SGCZ: variants seen among roughly 807,000 people sequenced by gnomAD.
SGCZ encodes the protein sarcoglycan zeta.
A neutral mutation model predicts 41.3 loss-of-function variants in SGCZ; 40 were observed. That is an observed-to-expected ratio of 0.97 (90% CI 0.75 to 1.26). The LOEUF (loss-of-function observed/expected upper bound fraction) is 1.26, where lower values mean the gene tolerates loss of function less well. Ranked by LOEUF, SGCZ falls within the 50% of genes most tolerant of loss-of-function variation. The probability of loss-of-function intolerance (pLI) is 0.00; values close to 1 mark genes in which losing one functional copy is unlikely to be tolerated. For synonymous variants in SGCZ, 206 were observed against 137.5 expected, an observed-to-expected ratio of 1.50 and a Z score of -3.49; for missense variants, 552 against 369.8, an observed-to-expected ratio of 1.49 and a Z score of -4.04.
At chr8:14,949,057 C>T (rs192428539) in intron 1 of SGCZ, among the ~76,000 whole-genome samples, 8 of 152,066 alleles carry the variant, frequency 5.3e-5, no homozygotes, top group African/African-American at 1.7e-4. Context: ...AAAGTACATT[C>T]GGTACATTTC....
chr8:14,982,978 A>G (rs1045373114), intron 1 of SGCZ, among the ~76,000 whole-genome samples: 2 of 152,148 alleles, frequency 1.3e-5, no homozygotes, highest in Admixed American at 6.5e-5. Flanking sequence ...TTAGCCACCT[A>G]TTAGCTATTT....
intron 1 of SGCZ, among the ~76,000 whole-genome samples, chr8:14,870,932 G>A (rs1328324459): frequency 2.0e-5 from 3 of 152,182 alleles, no homozygotes; most frequent in African/African-American, 7.2e-5. Context: ...AACAGGCCGG[G>A]TGCAGTGGCT....
chr8:14,889,180 A>G (rs1048128495), intron 1 of SGCZ, among the ~76,000 whole-genome samples: 2 of 152,116 alleles, frequency 1.3e-5, no homozygotes, highest in African/African-American at 4.8e-5. Context: ...TGGCAACAGT[A>G]CAATATATCA....
intron 1 of SGCZ, among the ~76,000 whole-genome samples, chr8:15,117,797 T>A (rs1807327779): frequency 6.6e-6 from 1 of 152,238 alleles, no homozygotes; most frequent in Non-Finnish European, 1.5e-5. Flanking sequence ...ACATTCATAA[T>A]TGTTAACTTG....
At chr8:14,874,901 C>T (rs962317795) in intron 1 of SGCZ, among the ~76,000 whole-genome samples, 1 of 152,124 alleles carries the variant, frequency 6.6e-6, no homozygotes, top group African/African-American at 2.4e-5. Context: ...TCATAAGTAA[C>T]TAAAGTCCCA....
intron 5 of SGCZ, among the ~76,000 whole-genome samples, chr8:14,118,822 C>G (rs1174013532): frequency 6.6e-6 from 1 of 152,130 alleles, no homozygotes; most frequent in Non-Finnish European, 1.5e-5. Flanking sequence ...ATAGGGAATC[C>G]TTTTCCAATT....
chr8:14,168,857 C>T (rs926987717), intron 4 of SGCZ, among the ~76,000 whole-genome samples: 2 of 152,134 alleles, frequency 1.3e-5, no homozygotes, highest in Non-Finnish European at 2.9e-5. Context: ...AACAAAACTT[C>T]AAGTTAACCA....
In SGCZ at chr8:14,841,388, C is replaced by T. The variant is rs900889564; in HGVS notation, c.40-286462G>A. Among the ~76,000 whole-genome samples, 7 of 152,006 alleles carry T rather than the reference C, an allele frequency of 4.6e-5. 1 individual carries two copies. Among genetic ancestry groups the T allele is most frequent in the Admixed American group, 3.9e-4 (6 of 15,236 alleles). On this transcript the variant is annotated intron_variant, in intron 1 of 7. Transcript: ENST00000382080. ...CATTTATTGGATTTCACCTTGCATT[C>T]AGGGAAATGTTGTAATGGGAGGATT...
At chr8:14,801,970 A>C (rs1328926937) in intron 1 of SGCZ, among the ~76,000 whole-genome samples, 1 of 152,222 alleles carries the variant, frequency 6.6e-6, no homozygotes, top group Non-Finnish European at 1.5e-5. Flanking sequence ...GATGTTTTCT[A>C]GCAAAGCTCA....
intron 1 of SGCZ, among the ~76,000 whole-genome samples, chr8:14,873,984 G>A (rs1395958928): frequency 6.6e-6 from 1 of 152,018 alleles, no homozygotes; most frequent in Non-Finnish European, 1.5e-5. Flanking sequence ...TGTAGTCATA[G>A]GATTAGCAAC....
At chr8:14,826,017 C>T (rs982345997) in intron 1 of SGCZ, among the ~76,000 whole-genome samples, 1 of 151,782 alleles carries the variant, frequency 6.6e-6, no homozygotes, top group African/African-American at 2.4e-5. Context: ...ATACATGTGC[C>T]ATGTTGGTGT....
At chr8:14,385,633 G>T (rs1551817) in intron 2 of SGCZ, among the ~76,000 whole-genome samples, 1 of 151,752 alleles carries the variant, frequency 6.6e-6, no homozygotes, top group African/African-American at 2.4e-5. Context: ...TGGGGTCTTG[G>T]TACAGTGATT....
chr8:15,048,437 A>C (rs1804392421), intron 1 of SGCZ, among the ~76,000 whole-genome samples: 1 of 152,076 alleles, frequency 6.6e-6, no homozygotes. Context: ...GACTATACTT[A>C]ATAATAATTC....
At chr8:15,199,862 A>G (rs771797468) in intron 1 of SGCZ, among the ~76,000 whole-genome samples, 1 of 152,220 alleles carries the variant, frequency 6.6e-6, no homozygotes, top group Non-Finnish European at 1.5e-5. Context: ...GCAGAATAGG[A>G]CAAGCATTTC....
chr8:14,553,536 T>C (rs899792186), intron 2 of SGCZ, among the ~76,000 whole-genome samples: 3 of 152,098 alleles, frequency 2.0e-5, no homozygotes, highest in Admixed American at 2.0e-4. Context: ...CCGTGGCTCA[T>C]TTCCCTCCAT....
Position 14,090,351 on chromosome 8 carries a change from C to G in SGCZ, c.*92G>C. 1 of 1,401,690 alleles carries G rather than the reference C, an allele frequency of 7.1e-7. No individual in the cohort carries two copies. The highest frequency in any genetic ancestry group is 9.7e-7 in the Non-Finnish European group (1 of 1,031,278). The allele number at this position is 1,401,690 out of a possible 1,614,324, so 86.8% of individuals were successfully genotyped here. A position where few individuals can be genotyped will look rare whatever the true frequency, so the allele number is the denominator to read the frequency against. ...TTGCTCTGTGGACCATTCGAAGAAG[C>G]TCTGGACTGATCACAAGGGAAACCG... On this transcript the variant is annotated 3_prime_UTR_variant, in exon 8 of 8. Transcript: ENST00000382080.
rs555651574 is a variant in SGCZ at position 14,431,084 on chromosome 8, G to C, written c.235-106880C>G. Among the ~76,000 whole-genome samples the C allele has an allele frequency of 2.0e-5, 3 of 152,246 alleles. No individual in the cohort carries two copies. The South Asian group carries it at 6.2e-4, about 32-fold the overall frequency. ...CACATCCCATGCTCATGGATGAGTA[G>C]AATCAATATTGTGAAAATGACCTCA... On this transcript the variant is annotated intron_variant, in intron 2 of 7. Transcript: ENST00000382080.
chr8:14,550,699 T>C (rs562546285), intron 2 of SGCZ, among the ~76,000 whole-genome samples: 16 of 152,096 alleles, frequency 1.1e-4, no homozygotes, highest in African/African-American at 3.9e-4. Context: ...ATAGGAGACC[T>C]GGGATTGCTG....
chr8:15,163,329 G>T (rs978968887), intron 1 of SGCZ, among the ~76,000 whole-genome samples: 13 of 152,186 alleles, frequency 8.5e-5, no homozygotes, highest in African/African-American at 3.1e-4. Flanking sequence ...AGGAAACTGA[G>T]GCATAACTAC....
Sources: gnomAD v4.1 joint callset for allele counts (sites outside exome capture counted in the v4.1 genomes callset) on GRCh38, gnomAD v4.1.1 for gene constraint, MANE v1.5 for transcripts, NCBI Gene and HGNC (gene_info 2026-07-23, HGNC 2026-07-21) for gene names.